DPYSL5: variants seen among roughly 807,000 people sequenced by gnomAD.
DPYSL5 encodes dihydropyrimidinase-related protein 5.
DPYSL5 carries 9 observed loss-of-function variants against 58.4 expected under a neutral mutation model. The observed-to-expected ratio is 0.15, with a 90% CI of 0.09 to 0.27. DPYSL5 has a LOEUF of 0.27. DPYSL5 is among the 10% of genes least tolerant of loss of function. DPYSL5 has a pLI of 1.00. For missense variants in DPYSL5, 499 were observed against 770.6 expected (o/e 0.65, Z 4.17); for synonymous variants, 293 against 301.9 (o/e 0.97, Z 0.31).
At chr2:26,882,532 C>T (rs1006838590) in intron 1 of DPYSL5, among the ~76,000 whole-genome samples, 16 of 152,056 alleles carry the variant, frequency 1.1e-4, no homozygotes, top group Admixed American at 1.3e-4. Context: ...AAGCAATACT[C>T]CTGCCTCAGC....
chr2:26,893,291 C>T (rs1663933962), intron 1 of DPYSL5, among the ~76,000 whole-genome samples: 1 of 152,200 alleles, frequency 6.6e-6, no homozygotes, highest in South Asian at 2.1e-4. Context: ...AAAAAATAAA[C>T]CAACTGTTTC....
Position 26,934,507 on chromosome 2 carries a change from G to C in DPYSL5, c.791-71G>C. ...ACCTCAGCTCCTTCACCTGTAAAAT[G>C]AGAGGCACACACCAGCGATCGCTCA... On this transcript the variant is annotated intron_variant, in intron 7 of 12. Coordinates refer to ENST00000288699, the MANE Select transcript of DPYSL5 (RefSeq NM_020134.4). This position sits in a 1 kb window ranked among gnomAD's most constrained non-coding sequence, Gnocchi z 4.3. The C allele has an allele frequency of 6.5e-7, 1 of 1,545,332 alleles. No individual in the cohort carries two copies. The highest frequency in any genetic ancestry group is 8.7e-7 in the Non-Finnish European group (1 of 1,143,116).
chr2:26,948,491 T>C lies in DPYSL5; in HGVS notation c.*1496T>C, dbSNP rs1242160461. ...CCCTTGTTAAGCCTGGTCTGCCCCGTGGGAAGTGACTTCATGTTGCACATG... is the reference window on the plus strand; with the variant it reads ...CCCTTGTTAAGCCTGGTCTGCCCCGCGGGAAGTGACTTCATGTTGCACATG... On this transcript the variant is annotated 3_prime_UTR_variant, in exon 13 of 13. Transcript: ENST00000288699. The C allele has an allele frequency of 6.6e-6, 1 of 152,320 alleles. No individual in the cohort carries two copies. Among genetic ancestry groups the C allele is most frequent in the Non-Finnish European group, 1.5e-5 (1 of 68,154 alleles). The allele number at this position is 152,320 out of a possible 1,614,324, so 9.4% of individuals were successfully genotyped here.
At chr2:26,902,386 T>TA (rs1664180423) in intron 2 of DPYSL5, among the ~76,000 whole-genome samples, 1 of 151,848 alleles carries the variant, frequency 6.6e-6, no homozygotes, top group African/African-American at 2.4e-5. Context: ...CAGGTGAAAA[T>TA]ATCAGAATCA....
chr2:26,884,361 G>A (rs1663654912), intron 1 of DPYSL5, among the ~76,000 whole-genome samples: 1 of 152,168 alleles, frequency 6.6e-6, no homozygotes, highest in South Asian at 2.1e-4. Context: ...TCCTCAGCCT[G>A]CCCAGGCCTC....
chr2:26,942,496 T>A lies in DPYSL5; in HGVS notation c.1233-47T>A. 1 of 1,573,228 alleles carries A rather than the reference T, an allele frequency of 6.4e-7. No homozygotes were observed. Among genetic ancestry groups the A allele is most frequent in the Non-Finnish European group, 8.7e-7 (1 of 1,155,706 alleles). On this transcript the variant is annotated intron_variant, in intron 10 of 12. Coordinates refer to ENST00000288699, the MANE Select transcript of DPYSL5 (RefSeq NM_020134.4). The surrounding 1 kb of genome is among the most constrained non-coding windows in gnomAD (Gnocchi z 5.9). ...ACCCCTCCCATGGAGCTGTGACATT[T>A]TGACCTGTCCTCAGCGCTTTCTCTC...
chr2:26,895,980 A>C (rs935781172), intron 1 of DPYSL5, among the ~76,000 whole-genome samples: 1 of 151,294 alleles, frequency 6.6e-6, no homozygotes, highest in Non-Finnish European at 1.5e-5. Flanking sequence ...GGGTTTCACT[A>C]TCTTGGGCAG....
Position 26,944,816 on chromosome 2 carries a change from G to A in DPYSL5, c.1601G>A (p.Ser534Asn). The A allele has an allele frequency of 2.5e-6, 4 of 1,614,090 alleles. No individual in the cohort carries two copies. Among genetic ancestry groups the A allele is most frequent in the Non-Finnish European group, 3.4e-6 (4 of 1,179,990 alleles). ...GMRDLHESSF[S>N]LSGSQIDDHV... ...AGGGACCTTCACGAATCCAGCTTCA[G>A]CCTCTCTGGTAAGAGTCAGGGGGCC... The change falls in exon 12 of 13, where the codon AGC becomes AAC. Residue 534 changes from serine to asparagine, a missense_variant. Coordinates refer to ENST00000288699, the MANE Select transcript of DPYSL5 (RefSeq NM_020134.4). This position sits in a 1 kb window ranked among gnomAD's most constrained non-coding sequence, Gnocchi z 4.4.
intron 1 of DPYSL5, among the ~76,000 whole-genome samples, chr2:26,865,058 TG>T (rs1312132802): frequency 6.6e-6 from 1 of 152,218 alleles, no homozygotes; most frequent in East Asian, 1.9e-4. Context: ...GACAATACAA[TG>T]ATGAGTTTTG....
At chr2:26,892,756 T>TGAGAGAGAGAGA (rs144430871) in intron 1 of DPYSL5, among the ~76,000 whole-genome samples, 8,528 of 138,558 alleles carry the variant, frequency 0.062, 356 homozygotes, top group Admixed American at 0.097. Context: ...TGGGTTTGTT[T>TGAGAGAGAGAGA]GAGAGAGAGA....
At chr2:26,866,342 A>G (rs1666139066) in intron 1 of DPYSL5, among the ~76,000 whole-genome samples, 1 of 152,204 alleles carries the variant, frequency 6.6e-6, no homozygotes, top group African/African-American at 2.4e-5. Flanking sequence ...TTTATTAACA[A>G]TACATATTCA....
At chr2:26,891,540 T>A (rs1663879579) in intron 1 of DPYSL5, among the ~76,000 whole-genome samples, 1 of 151,704 alleles carries the variant, frequency 6.6e-6, no homozygotes, top group Admixed American at 6.6e-5. Context: ...AGAAGGGGAG[T>A]AGTCAGCCCC....
intron 8 of DPYSL5, among the ~76,000 whole-genome samples, chr2:26,936,945 T>TAAAAAAAAAAAAAAAAAAAAAAAAAAA (rs55795892): frequency 1.3e-5 from 1 of 77,898 alleles, no homozygotes; most frequent in Admixed American, 1.3e-4. Context: ...AGACTTCATT[T>TAAAAAAAAAAAAAAAAAAAAAAAAAAA]AAAAAAAAAA....
chr2:26,885,277 C>A (rs1264333996), intron 1 of DPYSL5, among the ~76,000 whole-genome samples: 2 of 152,134 alleles, frequency 1.3e-5, no homozygotes. Flanking sequence ...TGACGCTGGC[C>A]AATGCAGATG....
chr2:26,941,809 T>G, intron 9 of DPYSL5, 141 bp from the exon 10 acceptor site: 1 of 1,108,364 alleles, frequency 9.0e-7, no homozygotes, highest in South Asian at 1.5e-5. Flanking sequence ...TCATCTGAGA[T>G]GGTGCTCATG....
chr2:26,874,624 C>T (rs1198731641), intron 1 of DPYSL5, among the ~76,000 whole-genome samples: 2 of 152,226 alleles, frequency 1.3e-5, no homozygotes, highest in African/African-American at 2.4e-5. Context: ...TGTAGCTTTA[C>T]AGTATGTCTT....
rs1344688742 is a variant in DPYSL5 at position 26,933,738 on chromosome 2, GA to G, written c.790+408del. On this transcript the variant is annotated intron_variant, in intron 7 of 12. Transcript: ENST00000288699. The surrounding 1 kb of genome is among the most constrained non-coding windows in gnomAD (Gnocchi z 4.2). ...AGGGGCTGTTTGGGAAGTCCCTAAA[GA>G]AAGAACAGTGTGTGGGCCCAGCTTC... 3.3e-5 allele frequency among the ~76,000 whole-genome samples: 5 copies of G among 152,208 alleles called. No individual in the cohort carries two copies. The highest frequency in any genetic ancestry group is 7.4e-5 in the Non-Finnish European group (5 of 68,024).
At chr2:26,871,109 G>A (rs370092522) in intron 1 of DPYSL5, among the ~76,000 whole-genome samples, 1 of 152,084 alleles carries the variant, frequency 6.6e-6, no homozygotes, top group Non-Finnish European at 1.5e-5. Context: ...GGCCTGGTGA[G>A]CTAAGAATGG....
At position 26,927,780 on chromosome 2, in the gene DPYSL5, G is replaced by A. The variant is rs565992939; in HGVS notation, c.600+348G>A. Among the ~76,000 whole-genome samples, 3 of 152,264 alleles carry A rather than the reference G, an allele frequency of 2.0e-5. No homozygotes were observed. Among genetic ancestry groups the A allele is most frequent in the Admixed American group, 6.5e-5 (1 of 15,294 alleles). ...TGATATACAGAATAAATAAGAATCC[G>A]CTTCCCATTTGGCCTCTTCAGAGGA... On this transcript the variant is annotated intron_variant, in intron 4 of 12. Transcript: ENST00000288699. The surrounding 1 kb of genome is among the most constrained non-coding windows in gnomAD (Gnocchi z 4.3).
Sources: allele counts gnomAD v4.1 joint callset (sites outside exome capture counted in the v4.1 genomes callset), GRCh38; gene constraint gnomAD v4.1.1; non-coding constraint Gnocchi (gnomAD v3.1); transcripts MANE v1.5; gene names NCBI Gene and HGNC (gene_info 2026-07-23, HGNC 2026-07-21).